The following OR8J3 variants were observed in gnomAD, a reference collection of about 807,000 sequenced individuals.
OR8J3 encodes olfactory receptor family 8 subfamily J member 3.
For missense variants in OR8J3, 418 were observed against 379.8 expected, an observed-to-expected ratio of 1.10 and a Z score of -0.84; for synonymous variants, 170 against 142.6, an observed-to-expected ratio of 1.19 and a Z score of -1.37.
In OR8J3 at chr11:56,134,818, G is replaced by A. The variant is rs866936493; in HGVS notation, c.*1953C>T. 1.3e-5 allele frequency: 2 copies of A among 152,010 alleles called. No homozygotes were observed. The highest frequency in any genetic ancestry group is 2.9e-5 in the Non-Finnish European group (2 of 67,914). The allele number at this position is 152,010 out of a possible 1,614,324, so 9.4% of individuals were successfully genotyped here. ...GAATACTCTTCACAATACCAGGCTA[G>A]TATAGATGCCCAAACATTTCTGGCA... On this transcript the variant is annotated 3_prime_UTR_variant, in exon 2 of 2. Transcript: ENST00000642058.
rs1033940912 is a variant in OR8J3, at chr11:56,138,198, A to G, written c.-480T>C. On this transcript the variant is annotated 5_prime_UTR_variant, in exon 2 of 2. The change abolishes the stop of an existing upstream ORF in the 5' untranslated region. Coordinates refer to ENST00000642058, the MANE Select transcript of OR8J3 (RefSeq NM_001004064.2). ...TACTATACTCTTCATTTTAAGAATT[A>G]TATCCTTTTATAACATGTATTAGAT... is the stretch of plus-strand genomic sequence containing the variant. 1.3e-5 allele frequency: 2 copies of G among 154,652 alleles called. No homozygotes were observed. The highest frequency in any genetic ancestry group is 6.4e-5 in the Admixed American group (1 of 15,534). 9.6% of individuals were successfully genotyped at this position (154,652 alleles called of 1,614,324 possible).
At chr11:56,138,831 G>GT (rs1181063433) in intron 1 of OR8J3, among the ~76,000 whole-genome samples, 3 of 151,410 alleles carry the variant, frequency 2.0e-5, no homozygotes, top group African/African-American at 4.8e-5. Flanking sequence ...AATACTCCGT[G>GT]TTTTTTTCAT....
chr11:56,137,761 GGTTATAGAC>G lies in OR8J3; in HGVS notation c.-52_-44del. On this transcript the variant is annotated 5_prime_UTR_variant, in exon 2 of 2. Coordinates refer to ENST00000642058, the MANE Select transcript of OR8J3 (RefSeq NM_001004064.2). The stretch of plus-strand genomic sequence containing the variant: ...CATCTGTTTGAGGAAGAAAATAAGT[GGTTATAGAC>G]GTTAAGGAATCATTTTCTAGGATTT... 1 of 1,480,072 alleles carries G rather than the reference GGTTATAGAC, an allele frequency of 6.8e-7. No individual in the cohort carries two copies. Among genetic ancestry groups the G allele is most frequent in the Non-Finnish European group, 9.2e-7 (1 of 1,090,944 alleles). 91.7% of individuals were successfully genotyped at this position (1,480,072 alleles called of 1,614,324 possible).
At chr11:56,139,684 G>A (rs989683802) in intron 1 of OR8J3, among the ~76,000 whole-genome samples, 5 of 152,178 alleles carry the variant, frequency 3.3e-5, no homozygotes, top group South Asian at 4.1e-4. Flanking sequence ...AGGATAACCT[G>A]GGAGAGTACT....
chr11:56,137,671 A>G lies in OR8J3; in HGVS notation c.48T>C (p.Gly16=). ...TCTGGAGCTCTGGACAGCTAGAGAC[A>G]CCTGTGAGAATAAACTCAGTGACCC... The part of the protein sequence containing the change: ...FTRVTEFILT[G]VSSCPELQIP... The change falls in exon 2 of 2, where the codon GGT becomes GGC. Residue 16 remains glycine, a synonymous_variant. Coordinates refer to ENST00000642058, the MANE Select transcript of OR8J3 (RefSeq NM_001004064.2). The G allele has an allele frequency of 6.2e-7, 1 of 1,611,332 alleles. No individual in the cohort carries two copies. Among genetic ancestry groups the G allele is most frequent in the Non-Finnish European group, 8.5e-7 (1 of 1,179,150 alleles).
In OR8J3 at chr11:56,137,855, C is replaced by T; in HGVS notation, c.-137G>A. On this transcript the variant is annotated 5_prime_UTR_variant, in exon 2 of 2. Transcript: ENST00000642058. ...CTTCTTGTCATGTATTAATCTAATT[C>T]AGTTATTAAACTCAGTATTCTCAGT... is the stretch of plus-strand genomic sequence containing the variant. 1 of 694,418 alleles carries T rather than the reference C, an allele frequency of 1.4e-6. No homozygotes were observed. The highest frequency in any genetic ancestry group is 3.0e-5 in the Admixed American group (1 of 32,966). 43.0% of individuals were successfully genotyped at this position (694,418 alleles called of 1,614,324 possible).
rs556007395 is a variant in OR8J3 at position 56,136,674 on chromosome 11, G to A, written c.*97C>T. On this transcript the variant is annotated 3_prime_UTR_variant, in exon 2 of 2. Transcript: ENST00000642058. ...CAATGATCTTTAAATCTTACCTCTT[G>A]GTAATTCTTAGGATTGCTTGTAAAC... 1 of 604,354 alleles carries A rather than the reference G, an allele frequency of 1.7e-6. No homozygotes were observed. Among genetic ancestry groups the A allele is most frequent in the South Asian group, 3.2e-5 (1 of 31,284 alleles). The allele number at this position is 604,354 out of a possible 1,614,324, so 37.4% of individuals were successfully genotyped here.
intron 1 of OR8J3, among the ~76,000 whole-genome samples, chr11:56,139,198 A>T (rs1242501852): frequency 6.6e-6 from 1 of 152,186 alleles, no homozygotes; most frequent in Non-Finnish European, 1.5e-5. Context: ...TCTTTATTTT[A>T]AAGTTCACAA....
chr11:56,137,463 A>G lies in OR8J3; in HGVS notation c.256T>C (p.Leu86=), dbSNP rs1171966967. ...VIAPKMLMNF[L]VKKKTTSFYE... ...AATGAGGTAGTTTTCTTCTTTACTA[A>G]AAAGTTCATCAGCATTTTAGGGGCA... Residue 86 remains leucine (L), a synonymous_variant, in exon 2 of 2, where the codon TTA becomes CTA. Coordinates refer to ENST00000642058, the MANE Select transcript of OR8J3 (RefSeq NM_001004064.2). 6.2e-7 allele frequency: 1 copy of G among 1,614,234 alleles called. No homozygotes were observed. The highest frequency in any genetic ancestry group is 2.2e-5 in the East Asian group (1 of 44,876).
chr11:56,138,305 C>A lies in OR8J3; in HGVS notation c.-587G>T, dbSNP rs1041212042. On this transcript the variant is annotated 5_prime_UTR_variant, in exon 2 of 2. The change abolishes an upstream ATG in the 5' untranslated region. Coordinates refer to ENST00000642058, the MANE Select transcript of OR8J3 (RefSeq NM_001004064.2). ...CATTTTATTAACTCAAACAAAAATA[C>A]ATGGATAAATCTCTTCAGATCTATT... 1 of 152,168 alleles carries A rather than the reference C, an allele frequency of 6.6e-6. No individual in the cohort carries two copies. The highest frequency in any genetic ancestry group is 2.4e-5 in the African/African-American group (1 of 41,400). 9.4% of individuals were successfully genotyped at this position (152,168 alleles called of 1,614,324 possible).
intron 1 of OR8J3, among the ~76,000 whole-genome samples, chr11:56,138,928 C>A (rs1028592160): frequency 5.9e-5 from 9 of 151,558 alleles, no homozygotes; most frequent in African/African-American, 2.2e-4. Flanking sequence ...TTTAGCTGAT[C>A]TGTTTTTTTT....
chr11:56,138,803 T>C (rs939335241), intron 1 of OR8J3, among the ~76,000 whole-genome samples: 2 of 152,146 alleles, frequency 1.3e-5, no homozygotes, highest in African/African-American at 4.8e-5. Context: ...TTCTTTTCCT[T>C]GTGCTAAAAG....
chr11:56,139,937 A>C (rs933819383), intron 1 of OR8J3, among the ~76,000 whole-genome samples: 1 of 152,264 alleles, frequency 6.6e-6, no homozygotes, highest in East Asian at 1.9e-4. Flanking sequence ...GTTCTTATAA[A>C]TGCTGTAACG....
rs748586180 is a variant in OR8J3 at position 56,137,703 on chromosome 11, A to C, written c.16T>G (p.Phe6Val). The part of the protein sequence containing the change: MAPEN[F>V]TRVTEFILTG... Reference sequence around the variant, plus strand: ...AGAATAAACTCAGTGACCCTGGTGAAATTTTCAGGAGCCATGTCAGAGTTT... The same window carrying C: ...AGAATAAACTCAGTGACCCTGGTGACATTTTCAGGAGCCATGTCAGAGTTT... Residue 6 changes from phenylalanine to valine, a missense_variant, in exon 2 of 2, where the codon TTC becomes GTC. Physicochemically the swap from Phe to Val is conservative, Grantham distance 50. Coordinates refer to ENST00000642058, the MANE Select transcript of OR8J3 (RefSeq NM_001004064.2). 8.7e-6 allele frequency: 14 copies of C among 1,600,592 alleles called. 1 individual carries two copies. In the South Asian group the frequency reaches 1.6e-4, roughly 18 times the overall value.
rs758195822 is a variant in OR8J3, at chr11:56,136,818, AG to A, written c.900del (p.Leu301Ter). On this transcript the variant is annotated frameshift_variant, in exon 2 of 2. Transcript: ENST00000642058. LOFTEE classifies it low-confidence loss of function (END_TRUNC). ...YSLRNNDVNV[A>X]LKKFMENPCY... ...CATGGATTTTCCATGAATTTCTTTAAGGCAACATTTACATCATTATTCCTCA... is the reference window on the plus strand; with the variant it reads ...CATGGATTTTCCATGAATTTCTTTAAGCAACATTTACATCATTATTCCTCA... 14 of 1,603,140 alleles carry A rather than the reference AG, an allele frequency of 8.7e-6. No homozygotes were observed. The highest frequency in any genetic ancestry group is 1.1e-5 in the Non-Finnish European group (13 of 1,176,684).
At chr11:56,138,949 A>G (rs972814243) in intron 1 of OR8J3, among the ~76,000 whole-genome samples, 3 of 151,524 alleles carry the variant, frequency 2.0e-5, no homozygotes, top group Non-Finnish European at 4.4e-5. Context: ...ACGTTTTTTG[A>G]TATTTATATT....
rs1854327276 is a variant in OR8J3, at chr11:56,136,048, C to T, written c.*723G>A. 6.6e-6 allele frequency: 1 copy of T among 151,696 alleles called. No homozygotes were observed. Among genetic ancestry groups the T allele is most frequent in the African/African-American group, 2.4e-5 (1 of 41,326 alleles). The allele number at this position is 151,696 out of a possible 1,614,324, so 9.4% of individuals were successfully genotyped here. A position where few individuals can be genotyped will look rare whatever the true frequency, so the allele number is the denominator to read the frequency against. ...AGTTTATTAATATACAAAAATAGAACATTTGTTTTACCTATGAAGGATGAA... is the reference window on the plus strand; with the variant it reads ...AGTTTATTAATATACAAAAATAGAATATTTGTTTTACCTATGAAGGATGAA... On this transcript the variant is annotated 3_prime_UTR_variant, in exon 2 of 2. Coordinates refer to ENST00000642058, the MANE Select transcript of OR8J3 (RefSeq NM_001004064.2).
Position 56,137,284 on chromosome 11 carries a change from C to T in OR8J3, c.435G>A (p.Val145=), listed in dbSNP as rs755531760. 1 of 1,613,922 alleles carries T rather than the reference C, an allele frequency of 6.2e-7. No homozygotes were observed. The highest frequency in any genetic ancestry group is 8.5e-7 in the Non-Finnish European group (1 of 1,179,996). The change falls in exon 2 of 2, where the codon GTG becomes GTA. Residue 145 remains valine, a synonymous_variant. Transcript: ENST00000642058. ...VVSRRLCLLL[V]SLTYLYGFST... The stretch of plus-strand genomic sequence containing the variant: ...AAAAGCCATAGAGGTATGTGAGGGA[C>T]ACCAGCAGGAGGCAGAGCCGCCGAG...
At chr11:56,139,701 T>C (rs963901308) in intron 1 of OR8J3, among the ~76,000 whole-genome samples, 1 of 152,202 alleles carries the variant, frequency 6.6e-6, no homozygotes, top group African/African-American at 2.4e-5. Flanking sequence ...TACTATCACA[T>C]AGAATATTAA....
Sources: allele counts gnomAD v4.1 joint callset (sites outside exome capture counted in the v4.1 genomes callset), GRCh38; gene constraint gnomAD v4.1.1; transcripts MANE v1.5; gene names NCBI Gene and HGNC (gene_info 2026-07-23, HGNC 2026-07-21).